Variants in SDK1 observed in about 807,000 individuals in gnomAD.
The protein encoded by SDK1 is protein sidekick-1.
Under a neutral mutation model 245.5 loss-of-function variants are expected in SDK1, and 157 were observed. That is an observed-to-expected ratio of 0.64 (90% CI 0.56 to 0.73). The LOEUF is 0.73. SDK1 is among the 30% of genes least tolerant of loss of function. SDK1 has a pLI of 0.00. For synonymous variants in SDK1, 1,647 were observed against 1,278.5 expected (o/e 1.29, Z -6.15); for missense variants, 3,583 against 3,002.3 (o/e 1.19, Z -4.52).
intron 17 of SDK1, among the ~76,000 whole-genome samples, chr7:4,030,617 T>C (rs1787734446): frequency 6.6e-6 from 1 of 152,214 alleles, no homozygotes; most frequent in Non-Finnish European, 1.5e-5. Flanking sequence ...ATACGCGCCT[T>C]GGTGCTATGA....
chr7:3,415,718 T>C (rs771743890), intron 1 of SDK1, among the ~76,000 whole-genome samples: 3 of 149,504 alleles, frequency 2.0e-5, no homozygotes, highest in Non-Finnish European at 3.0e-5. Flanking sequence ...AAATTATATA[T>C]AAATGTATAT....
chr7:4,181,992 T>G (rs1038534339), intron 35 of SDK1, among the ~76,000 whole-genome samples: 1 of 152,170 alleles, frequency 6.6e-6, no homozygotes, highest in African/African-American at 2.4e-5. Context: ...TGATCTCAGC[T>G]CACTGCAATC....
At position 4,092,112 on chromosome 7, in the gene SDK1, T is replaced by C. The variant is rs1051255002; in HGVS notation, c.3324+12528T>C. ...AGCTGTGAGGCTTTAGGGAAGTCTT[T>C]TAGGTCATGTTCTTTAGCCATAAAG... is the stretch of plus-strand genomic sequence containing the variant. On this transcript the variant is annotated intron_variant, in intron 22 of 44. Transcript: ENST00000404826. Among the ~76,000 whole-genome samples, 31 of 152,202 alleles carry C rather than the reference T, an allele frequency of 2.0e-4. 1 individual carries two copies. Among genetic ancestry groups the C allele is most frequent in the African/African-American group, 7.5e-4 (31 of 41,444 alleles).
At chr7:3,737,845 C>G (rs1479604189) in intron 4 of SDK1, among the ~76,000 whole-genome samples, 1 of 152,186 alleles carries the variant, frequency 6.6e-6, no homozygotes, top group Non-Finnish European at 1.5e-5. Flanking sequence ...GGGGAAGTCT[C>G]TTTGTCTAGT....
intron 1 of SDK1, among the ~76,000 whole-genome samples, chr7:3,567,642 C>A (rs1459297212): frequency 2.6e-5 from 4 of 152,092 alleles, no homozygotes; most frequent in Non-Finnish European, 5.9e-5. Context: ...TGTTTTAATT[C>A]TTCGTTTGTA....
intron 44 of SDK1, among the ~76,000 whole-genome samples, chr7:4,264,475 C>CGCGTGGACCTCTCCTGAGTGAGGGAGGCT (rs1788312100): frequency 7.7e-6 from 1 of 129,222 alleles, no homozygotes; most frequent in South Asian, 2.8e-4. Context: ...TGAGGGAGGC[C>CGCGTGGACCTCTCCTGAGTGAGGGAGGCT]GCGTGGACCT....
At chr7:4,082,263 C>T (rs1421092198) in intron 22 of SDK1, among the ~76,000 whole-genome samples, 2 of 151,956 alleles carry the variant, frequency 1.3e-5, no homozygotes, top group Admixed American at 6.5e-5. Flanking sequence ...TTTGGCCAGG[C>T]GTGATGGCTC....
chr7:3,949,412 C>T (rs1177791639), intron 5 of SDK1, among the ~76,000 whole-genome samples: 1 of 152,172 alleles, frequency 6.6e-6, no homozygotes, highest in Non-Finnish European at 1.5e-5. Context: ...GATGAGAAGC[C>T]CGTCGTCTCT....
intron 4 of SDK1, among the ~76,000 whole-genome samples, chr7:3,785,349 T>C (rs1455589593): frequency 6.6e-6 from 1 of 152,190 alleles, no homozygotes; most frequent in Non-Finnish European, 1.5e-5. Flanking sequence ...TTAAAAGTTC[T>C]CACCATAAGA....
chr7:3,867,678 C>T (rs901992884), intron 5 of SDK1, among the ~76,000 whole-genome samples: 1 of 152,164 alleles, frequency 6.6e-6, no homozygotes, highest in Non-Finnish European at 1.5e-5. Context: ...CCACCAGGTC[C>T]CTCCCACAAT....
At chr7:3,828,176 G>A (rs1779824338) in intron 5 of SDK1, among the ~76,000 whole-genome samples, 1 of 152,022 alleles carries the variant, frequency 6.6e-6, no homozygotes, top group Admixed American at 6.6e-5. Context: ...TACTCAGGAG[G>A]CTGAGGCAGG....
intron 1 of SDK1, among the ~76,000 whole-genome samples, chr7:3,424,102 G>A (rs1185021840): frequency 3.3e-5 from 5 of 152,050 alleles, no homozygotes; most frequent in Non-Finnish European, 1.5e-5. Context: ...AGTAGAGATG[G>A]GGTTTCACCA....
chr7:4,175,741 G>T (rs377749660), intron 33 of SDK1, 34 bp from the exon 34 acceptor site: 5 of 1,594,652 alleles, frequency 3.1e-6, no homozygotes, highest in Non-Finnish European at 4.3e-6. Flanking sequence ...GTCCCTGCGT[G>T]CTAACCACCT....
chr7:3,689,713 A>G (rs556184904), intron 4 of SDK1, among the ~76,000 whole-genome samples: 5 of 152,344 alleles, frequency 3.3e-5, no homozygotes, highest in African/African-American at 9.6e-5. Flanking sequence ...AGGTTAGATG[A>G]AAAATATAAG....
chr7:4,028,116 C>T lies in SDK1; in HGVS notation c.2602+10764C>T, dbSNP rs116339944. Among the ~76,000 whole-genome samples, 1,196 of 152,212 alleles carry T rather than the reference C, an allele frequency of 7.9e-3. 13 individuals are homozygous for T. Among genetic ancestry groups the T allele is most frequent in the African/African-American group, 0.027 (1,107 of 41,532 alleles). On this transcript the variant is annotated intron_variant, in intron 17 of 44. Coordinates refer to ENST00000404826, the MANE Select transcript of SDK1 (RefSeq NM_152744.4). Reference sequence around the variant, plus strand: ...GAGATGGTCTGTGGACCCACAGAATCAACATCTCCTAGGAACTTGTTAGAA... The same window carrying T: ...GAGATGGTCTGTGGACCCACAGAATTAACATCTCCTAGGAACTTGTTAGAA...
intron 2 of SDK1, among the ~76,000 whole-genome samples, chr7:3,635,070 A>G (rs923146078): frequency 1.6e-4 from 24 of 152,218 alleles, no homozygotes; most frequent in Non-Finnish European, 5.9e-5. Flanking sequence ...AGCTAATCTC[A>G]CAGCTCCCCT....
chr7:4,207,572 C>G (rs920068969), intron 36 of SDK1, among the ~76,000 whole-genome samples: 1 of 152,178 alleles, frequency 6.6e-6, no homozygotes, highest in African/African-American at 2.4e-5. Context: ...AGTATATTGC[C>G]ATATTGAGGA....
intron 1 of SDK1, among the ~76,000 whole-genome samples, chr7:3,513,923 G>A (rs1260432887): frequency 6.6e-6 from 1 of 152,148 alleles, no homozygotes. Flanking sequence ...CTAGGATAGT[G>A]GCCTCTAGCT....
At chr7:4,052,155 C>A (rs13234854) in intron 19 of SDK1, among the ~76,000 whole-genome samples, 1 of 140,176 alleles carries the variant, frequency 7.1e-6, no homozygotes, top group Non-Finnish European at 1.5e-5. Context: ...GATTCCCTCA[C>A]CTGCTTCCAT....
Sources: gnomAD v4.1 joint callset for allele counts (sites outside exome capture counted in the v4.1 genomes callset) on GRCh38, gnomAD v4.1.1 for gene constraint, MANE v1.5 for transcripts, NCBI Gene and HGNC (gene_info 2026-07-23, HGNC 2026-07-21) for gene names.